The following CPNE4 variants were observed in gnomAD, a reference collection of about 807,000 sequenced individuals.
CPNE4 encodes copine 4, also known as copine-4.
Under a neutral mutation model 67.9 loss-of-function variants are expected in CPNE4, and 25 were observed. The observed-to-expected ratio is 0.37, with a 90% CI of 0.27 to 0.51. The LOEUF (loss-of-function observed/expected upper bound fraction) is 0.51, where lower values mean the gene tolerates loss of function less well. Ranked by LOEUF, CPNE4 falls within the 20% of genes least tolerant of loss-of-function variation. CPNE4 has a pLI of 0.93. For synonymous variants in CPNE4, 242 were observed against 244.9 expected (o/e 0.99, Z 0.11); for missense variants, 464 against 690.8 (o/e 0.67, Z 3.68).
intron 3 of CPNE4, among the ~76,000 whole-genome samples, chr3:131,701,151 A>G (rs1425209023): frequency 6.6e-6 from 1 of 150,862 alleles, no homozygotes; most frequent in African/African-American, 2.4e-5. Flanking sequence ...GTAAATGATG[A>G]GTTAATGGGT....
chr3:131,751,502 T>C (rs2082622777), intron 2 of CPNE4, among the ~76,000 whole-genome samples: 1 of 150,374 alleles, frequency 6.7e-6, no homozygotes, highest in Non-Finnish European at 1.5e-5. Context: ...GGTTCTTTTT[T>C]ATACTTCTAT....
At chr3:131,706,894 AC>A (rs1392303748) in intron 3 of CPNE4, among the ~76,000 whole-genome samples, 1 of 151,776 alleles carries the variant, frequency 6.6e-6, no homozygotes, top group Non-Finnish European at 1.5e-5. Flanking sequence ...AATGCCCCCC[AC>A]CCCACTTCTA....
At chr3:131,602,106 T>G (rs1022764425) in intron 7 of CPNE4, among the ~76,000 whole-genome samples, 9 of 152,098 alleles carry the variant, frequency 5.9e-5, no homozygotes, top group Admixed American at 5.2e-4. Flanking sequence ...TTGTCTGGAG[T>G]GGGTTACAAG....
At chr3:131,753,346 C>A (rs1654441914) in intron 2 of CPNE4, among the ~76,000 whole-genome samples, 1 of 151,916 alleles carries the variant, frequency 6.6e-6, no homozygotes, top group Admixed American at 6.5e-5. Context: ...TTTGTAACTA[C>A]ACATGTATAT....
chr3:131,867,262 C>T (rs1404444128), intron 2 of CPNE4, among the ~76,000 whole-genome samples: 4 of 152,040 alleles, frequency 2.6e-5, no homozygotes, highest in Admixed American at 2.0e-4. Flanking sequence ...CTCTTTGGGG[C>T]ACAGCTGTTC....
intron 1 of CPNE4, among the ~76,000 whole-genome samples, chr3:131,941,738 C>T (rs1406104753): frequency 6.6e-6 from 1 of 152,124 alleles, no homozygotes; most frequent in East Asian, 1.9e-4. Flanking sequence ...GTCCCCTAAT[C>T]ATCCTTGCAC....
chr3:131,615,931 A>ACG (rs1482393505), intron 7 of CPNE4, among the ~76,000 whole-genome samples: 42 of 96,388 alleles, frequency 4.4e-4, no homozygotes, highest in Non-Finnish European at 7.2e-4. Context: ...ACACACACGC[A>ACG]CACACACACA....
chr3:131,933,526 G>A (rs182707818), intron 1 of CPNE4, among the ~76,000 whole-genome samples: 20 of 152,196 alleles, frequency 1.3e-4, no homozygotes, highest in African/African-American at 4.3e-4. Flanking sequence ...CCACTTCTGG[G>A]TACAGATCCT....
Position 131,656,346 on chromosome 3 carries a change from T to C in CPNE4, c.681+13329A>G, listed in dbSNP as rs958900900. Reference sequence around the variant, plus strand: ...AAATTAAAGGAAGTGTCCCAGGTCATAACTGATGTGATGGAAACATTAACC... The same window carrying C: ...AAATTAAAGGAAGTGTCCCAGGTCACAACTGATGTGATGGAAACATTAACC... On this transcript the variant is annotated intron_variant, in intron 7 of 15. Coordinates refer to ENST00000429747, the MANE Select transcript of CPNE4 (RefSeq NM_130808.3). Among the ~76,000 whole-genome samples the C allele has an allele frequency of 5.9e-5, 9 of 152,328 alleles. No homozygotes were observed. The East Asian group carries it at 1.7e-3, about 29-fold the overall frequency.
chr3:131,546,118 T>A (rs1582765167), intron 14 of CPNE4, among the ~76,000 whole-genome samples: 1 of 152,072 alleles, frequency 6.6e-6, no homozygotes, highest in East Asian at 1.9e-4. Flanking sequence ...TGAGAAGGGA[T>A]CTATGAACTT....
At chr3:131,713,299 C>T (rs1405765547) in intron 3 of CPNE4, among the ~76,000 whole-genome samples, 1 of 152,134 alleles carries the variant, frequency 6.6e-6, no homozygotes, top group African/African-American at 2.4e-5. Context: ...TTATAACTAT[C>T]TTTGAAATTA....
chr3:131,869,871 A>G (rs576822359), intron 2 of CPNE4, among the ~76,000 whole-genome samples: 2 of 152,324 alleles, frequency 1.3e-5, no homozygotes, highest in East Asian at 1.9e-4. Flanking sequence ...CCACAAAAGC[A>G]TAATACAATA....
chr3:131,891,483 T>C (rs1314244564), intron 2 of CPNE4, among the ~76,000 whole-genome samples: 4 of 152,036 alleles, frequency 2.6e-5, no homozygotes, highest in African/African-American at 4.8e-5. Context: ...GGTAAACTTG[T>C]GTCATAGGGA....
Position 131,549,154 on chromosome 3 carries a change from A to G in CPNE4, c.1302+793T>C, listed in dbSNP as rs143738654. ...GAAGATGTTGACATGAGGTAGGAGCATGGTCCTCCATCCATTCTAACATGA... is the reference window on the plus strand; with the variant it reads ...GAAGATGTTGACATGAGGTAGGAGCGTGGTCCTCCATCCATTCTAACATGA... On this transcript the variant is annotated intron_variant, in intron 14 of 15. Coordinates refer to ENST00000429747, the MANE Select transcript of CPNE4 (RefSeq NM_130808.3). Among the ~76,000 whole-genome samples the G allele has an allele frequency of 1.3e-3, 195 of 152,318 alleles. 3 individuals carry two copies. The East Asian group carries it at 0.028, about 22-fold the overall frequency.
intron 1 of CPNE4, among the ~76,000 whole-genome samples, chr3:131,923,731 T>TA (rs1375914415): frequency 0.011 from 1,191 of 107,122 alleles, 22 homozygotes; most frequent in African/African-American, 0.038. Context: ...AAAAAAAAAT[T>TA]AAAAAAAAAT....
chr3:131,904,005 C>T (rs2088649865), intron 2 of CPNE4, among the ~76,000 whole-genome samples: 1 of 152,102 alleles, frequency 6.6e-6, no homozygotes, highest in Non-Finnish European at 1.5e-5. Flanking sequence ...CCAGAATAAA[C>T]TTTTTGTAAA....
intron 1 of CPNE4, among the ~76,000 whole-genome samples, chr3:132,012,995 G>C (rs2073806185): frequency 6.6e-6 from 1 of 152,214 alleles, no homozygotes. Context: ...GGCTGAGGCG[G>C]GTGGATCAGC....
rs148864577 is a variant in CPNE4 at position 131,941,230 on chromosome 3, T to C, written c.-1-35786A>G. Among the ~76,000 whole-genome samples, 4 of 152,204 alleles carry C rather than the reference T, an allele frequency of 2.6e-5. No individual in the cohort carries two copies. The East Asian group carries it at 7.7e-4, about 29-fold the overall frequency. On this transcript the variant is annotated intron_variant, in intron 1 of 15. Coordinates refer to ENST00000429747, the MANE Select transcript of CPNE4 (RefSeq NM_130808.3). ...CTTAAACTATAAAAGCTAAAAATTA[T>C]ATTAAGAACGAAGGTAATAAATACC...
intron 7 of CPNE4, among the ~76,000 whole-genome samples, chr3:131,607,705 G>T (rs1337831300): frequency 6.6e-6 from 1 of 152,136 alleles, no homozygotes; most frequent in Non-Finnish European, 1.5e-5. Flanking sequence ...TCAGTACTAT[G>T]GGAGGTTAAT....
Sources: allele counts gnomAD v4.1 joint callset (sites outside exome capture counted in the v4.1 genomes callset), GRCh38; gene constraint gnomAD v4.1.1; transcripts MANE v1.5; gene names NCBI Gene and HGNC (gene_info 2026-07-23, HGNC 2026-07-21).